LRRFIP1: variants seen among roughly 807,000 people sequenced by gnomAD.
LRRFIP1 encodes the protein LRR binding FLII interacting protein 1.
A neutral mutation model predicts 104.4 loss-of-function variants in LRRFIP1; 62 were observed. That is an observed-to-expected ratio of 0.59 (90% confidence interval 0.48 to 0.73). LRRFIP1 has a LOEUF of 0.73. LRRFIP1 is among the 30% of genes least tolerant of loss of function. The pLI is 0.00. For synonymous variants in LRRFIP1, 300 were observed against 299.0 expected (o/e 1.00, Z -0.03); for missense variants, 796 against 824.5 (o/e 0.97, Z 0.42).
chr2:237,702,305 T>C (rs2149914998), intron 1 of LRRFIP1, among the ~76,000 whole-genome samples: 1 of 152,298 alleles, frequency 6.6e-6, no homozygotes, highest in South Asian at 2.1e-4. Flanking sequence ...AATGGAATCT[T>C]TTTTTCCCAG....
Position 237,676,305 on chromosome 2 carries a change from TGCATGACAC to T in LRRFIP1, c.97-32238_97-32230del, listed in dbSNP as rs2091153335. ...GTACATACTTTAATGCAAGCAGTAT[TGCATGACAC>T]CAGCCTGCCTTCTTTCGTCCTTTTT... is the stretch of plus-strand genomic sequence containing the variant. On this transcript the variant is annotated intron_variant, in intron 1 of 23. Coordinates refer to ENST00000308482, the MANE Select transcript of LRRFIP1 (RefSeq NM_001137550.2). 2.5e-4 allele frequency among the ~76,000 whole-genome samples: 38 copies of T among 152,338 alleles called. No individual in the cohort carries two copies. In the South Asian group the frequency reaches 7.5e-3, roughly 30 times the overall value.
intron 1 of LRRFIP1, among the ~76,000 whole-genome samples, chr2:237,662,150 G>A (rs1387944376): frequency 1.0e-4 from 12 of 119,874 alleles, no homozygotes; most frequent in Admixed American, 5.9e-4. Flanking sequence ...GGCAGCCCTC[G>A]GCCCTCTGGC....
At chr2:237,666,483 C>T (rs2089270963) in intron 1 of LRRFIP1, among the ~76,000 whole-genome samples, 1 of 152,226 alleles carries the variant, frequency 6.6e-6, no homozygotes, top group Admixed American at 6.5e-5. Context: ...CCACTCTTCA[C>T]CTAAGAATGA....
At chr2:237,728,919 G>A (rs903991393) in intron 8 of LRRFIP1, among the ~76,000 whole-genome samples, 2 of 152,038 alleles carry the variant, frequency 1.3e-5, no homozygotes, top group African/African-American at 4.8e-5. Flanking sequence ...AGCATTGCAT[G>A]CACTTTAATT....
intron 1 of LRRFIP1, among the ~76,000 whole-genome samples, chr2:237,644,257 G>T (rs1190008396): frequency 1.3e-5 from 2 of 152,246 alleles, no homozygotes; most frequent in East Asian, 3.8e-4. Flanking sequence ...TTGTGTCCAG[G>T]AAAACTCTGC....
chr2:237,695,127 AT>A (rs1437237712), intron 1 of LRRFIP1, among the ~76,000 whole-genome samples: 2 of 152,128 alleles, frequency 1.3e-5, no homozygotes, highest in African/African-American at 4.8e-5. Context: ...TAGGCATGTC[AT>A]TTCCCCGGGC....
chr2:237,699,780 C>T (rs1469569983), intron 1 of LRRFIP1, among the ~76,000 whole-genome samples: 1 of 152,100 alleles, frequency 6.6e-6, no homozygotes, highest in Non-Finnish European at 1.5e-5. Flanking sequence ...AGCTTCTTCC[C>T]AATCTTTTTG....
chr2:237,705,841 C>G (rs1339164037), intron 1 of LRRFIP1, among the ~76,000 whole-genome samples: 1 of 152,154 alleles, frequency 6.6e-6, no homozygotes, highest in African/African-American at 2.4e-5. Context: ...GGTCACTGTT[C>G]CTGCTGGCGT....
intron 5 of LRRFIP1, among the ~76,000 whole-genome samples, chr2:237,719,947 T>A (rs2094478459): frequency 1.2e-5 from 1 of 85,046 alleles, no homozygotes; most frequent in Admixed American, 1.2e-4. Flanking sequence ...TTACTTTTTT[T>A]TTTTTTTTTT....
rs534462249 is a variant in LRRFIP1, at chr2:237,673,634, C to T, written c.97-34910C>T. Among the ~76,000 whole-genome samples the T allele has an allele frequency of 3.7e-4, 57 of 152,246 alleles. 1 individual carries two copies. The highest frequency in any genetic ancestry group is 1.3e-3 in the African/African-American group (52 of 41,544). On this transcript the variant is annotated intron_variant, in intron 1 of 23. Coordinates refer to ENST00000308482, the MANE Select transcript of LRRFIP1 (RefSeq NM_001137550.2). ...GTAGCTGGCGTGGTATCTGGCACGG[C>T]GGAGGCCCTGGGTCCGTGTTTGTGG...
chr2:237,633,448 T>TGTC (rs1467756854), intron 1 of LRRFIP1, among the ~76,000 whole-genome samples: 1 of 152,128 alleles, frequency 6.6e-6, no homozygotes, highest in Non-Finnish European at 1.5e-5. Context: ...GAGGGCCAGC[T>TGTC]GTCTCCCTTC....
chr2:237,644,186 C>T (rs747224362), intron 1 of LRRFIP1, among the ~76,000 whole-genome samples: 2 of 152,202 alleles, frequency 1.3e-5, no homozygotes, highest in South Asian at 2.1e-4. Context: ...GTTGTGTGCA[C>T]GATCGGGTTG....
chr2:237,730,058 T>C (rs184265842), intron 8 of LRRFIP1, among the ~76,000 whole-genome samples: 12 of 152,328 alleles, frequency 7.9e-5, no homozygotes, highest in African/African-American at 2.4e-4. Flanking sequence ...CCACACCAGC[T>C]CGAATGTGAA....
chr2:237,643,863 T>C lies in LRRFIP1; in HGVS notation c.96+16123T>C, dbSNP rs773234520. ...TTGTCAGAAATCGCTTACATATAAG[T>C]GAAGGTTTAAGGAAGCGGGATTTAA... On this transcript the variant is annotated intron_variant, in intron 1 of 23. Transcript: ENST00000308482. Among the ~76,000 whole-genome samples, 22 of 152,356 alleles carry C rather than the reference T, an allele frequency of 1.4e-4. 1 individual carries two copies. The South Asian group carries it at 1.7e-3, about 11-fold the overall frequency.
At chr2:237,738,635 A>G (rs1576059713) in intron 10 of LRRFIP1, among the ~76,000 whole-genome samples, 1 of 152,260 alleles carries the variant, frequency 6.6e-6, no homozygotes, top group Admixed American at 6.5e-5. Flanking sequence ...TAGCTTCCAG[A>G]TAATCGAGTT....
intron 8 of LRRFIP1, among the ~76,000 whole-genome samples, chr2:237,732,899 G>A (rs764188763): frequency 1.8e-4 from 28 of 152,202 alleles, no homozygotes; most frequent in Non-Finnish European, 2.6e-4. Context: ...GTTTTTACAA[G>A]GTCAGGTTCA....
rs983882032 is a variant in LRRFIP1, at chr2:237,739,151, C to A, written c.556-81C>A. On this transcript the variant is annotated intron_variant, in intron 10 of 23. Coordinates refer to ENST00000308482, the MANE Select transcript of LRRFIP1 (RefSeq NM_001137550.2). The stretch of plus-strand genomic sequence containing the variant: ...CCACTTACTGCAGCATGTTTTCTGT[C>A]GGCCTCTATTCTCCTTGCTCCTTTG... 5 of 1,249,848 alleles carry A rather than the reference C, an allele frequency of 4.0e-6. No individual in the cohort carries two copies. The East Asian group carries it at 7.7e-5, about 19-fold the overall frequency. 77.4% of individuals were successfully genotyped at this position (1,249,848 alleles called of 1,614,324 possible). A position where few individuals can be genotyped will look rare whatever the true frequency, so the allele number is the denominator to read the frequency against.
chr2:237,772,896 A>G lies in LRRFIP1; in HGVS notation c.1658A>G (p.Lys553Arg), dbSNP rs2060773238. ...RDANRQISDL[K>R]FKLAKSEQEI... Reference sequence around the variant, plus strand: ...GCCAACAGACAGATCAGCGACCTCAAATTTAAACTTGCAAAATCTGAGCAA... The same window carrying G: ...GCCAACAGACAGATCAGCGACCTCAGATTTAAACTTGCAAAATCTGAGCAA... The change falls in exon 22 of 24, where the codon AAA (lysine) becomes AGA (arginine). Residue 553 changes from lysine to arginine, a missense_variant. Coordinates refer to ENST00000308482, the MANE Select transcript of LRRFIP1 (RefSeq NM_001137550.2). 4 of 1,613,854 alleles carry G rather than the reference A, an allele frequency of 2.5e-6. No homozygotes were observed. The African/African-American group carries it at 5.3e-5, about 22-fold the overall frequency.
rs55665444 is a variant in LRRFIP1 at position 237,747,795 on chromosome 2, C to T, written c.634-569C>T. Among the ~76,000 whole-genome samples, 1,496 of 152,100 alleles carry T rather than the reference C, an allele frequency of 9.8e-3. 11 individuals are homozygous for T. Among genetic ancestry groups the T allele is most frequent in the Non-Finnish European group, 0.015 (1,039 of 67,992 alleles). On this transcript the variant is annotated intron_variant, in intron 11 of 23. Transcript: ENST00000308482. ...CCAGAGAGTTTTTAGACAAACTCAACCTTGGTAACCTTCTCAGTGGGCTTA... is the reference window on the plus strand; with the variant it reads ...CCAGAGAGTTTTTAGACAAACTCAATCTTGGTAACCTTCTCAGTGGGCTTA...
Sources: allele counts gnomAD v4.1 joint callset (sites outside exome capture counted in the v4.1 genomes callset), GRCh38; gene constraint gnomAD v4.1.1; transcripts MANE v1.5; gene names NCBI Gene and HGNC (gene_info 2026-07-23, HGNC 2026-07-21).